Variants in KBTBD12 observed in about 807,000 individuals in gnomAD.
The protein encoded by KBTBD12 is kelch repeat and BTB domain containing 12, also known as kelch repeat and BTB domain-containing protein 12.
In KBTBD12, 53 loss-of-function variants were observed where a neutral mutation model predicts 58.7. That is an observed-to-expected ratio of 0.90 (90% CI 0.72 to 1.14). The LOEUF (loss-of-function observed/expected upper bound fraction) is 1.14. Among genes scored for constraint, KBTBD12 ranks in the 50% most tolerant of loss-of-function variants. KBTBD12 has a pLI of 0.00. For synonymous variants in KBTBD12, 236 were observed against 259.8 expected (o/e 0.91, Z 0.88); for missense variants, 704 against 751.3 (o/e 0.94, Z 0.74).
rs1228289497 is a variant in KBTBD12, at chr3:127,987,087, G to A, written c.*2809G>A. 1 of 152,326 alleles carries A rather than the reference G, an allele frequency of 6.6e-6. No homozygotes were observed. The highest frequency in any genetic ancestry group is 1.5e-5 in the Non-Finnish European group (1 of 68,120). 9.4% of individuals were successfully genotyped at this position (152,326 alleles called of 1,614,324 possible). On this transcript the variant is annotated 3_prime_UTR_variant, in exon 6 of 6. Coordinates refer to ENST00000405109, the MANE Select transcript of KBTBD12 (RefSeq NM_207335.4). ...GAGAAGGGGCATGACCTCTGCTGGA[G>A]CCAGGAGGGCAGTGACCAGGAGCTG...
At chr3:127,928,123 A>G in intron 3 of KBTBD12, 89 bp downstream of exon 3, 1 of 1,144,426 alleles carries the variant, frequency 8.7e-7, no homozygotes, top group Non-Finnish European at 1.3e-6. Flanking sequence ...GAATGCTAAA[A>G]GAGTGTGACT....
rs1217152651 is a variant in KBTBD12, at chr3:127,923,933, A to G, written c.872A>G (p.His291Arg). 6.2e-7 allele frequency: 1 copy of G among 1,613,918 alleles called. No individual in the cohort carries two copies. Among genetic ancestry groups the G allele is most frequent in the South Asian group, 1.1e-5 (1 of 91,072 alleles). ...GNNSSGIRSR[H>R]RSYGDASFCY... ...AATTCTTCAGGAATCAGATCAAGACATAGGAGCTATGGGGATGCCAGTTTT... is the reference window on the plus strand; with the variant it reads ...AATTCTTCAGGAATCAGATCAAGACGTAGGAGCTATGGGGATGCCAGTTTT... The change falls in exon 2 of 6, where the codon CAT (histidine) becomes CGT (arginine). Residue 291 changes from histidine to arginine, a missense_variant. His to Arg is a conservative substitution (Grantham distance 29). Coordinates refer to ENST00000405109, the MANE Select transcript of KBTBD12 (RefSeq NM_207335.4).
At chr3:127,933,574 G>C (rs1449227189) in intron 4 of KBTBD12, among the ~76,000 whole-genome samples, 1 of 152,068 alleles carries the variant, frequency 6.6e-6, no homozygotes, top group East Asian at 1.9e-4. Context: ...GCCATAGACA[G>C]CCCAAGCTCT....
At chr3:127,937,279 A>G (rs572555279) in intron 4 of KBTBD12, among the ~76,000 whole-genome samples, 2 of 152,326 alleles carry the variant, frequency 1.3e-5, no homozygotes, top group Admixed American at 1.3e-4. Flanking sequence ...TTAAAGAAAT[A>G]AAAGAATAAA....
At chr3:127,958,351 G>A (rs1055232094) in intron 4 of KBTBD12, among the ~76,000 whole-genome samples, 5 of 152,130 alleles carry the variant, frequency 3.3e-5, no homozygotes, top group South Asian at 2.1e-4. Flanking sequence ...CACCCACCAC[G>A]TCCAGGCTCT....
In KBTBD12 at chr3:127,960,169, CT is replaced by C. The variant is rs559852794; in HGVS notation, c.1493-3018del. Among the ~76,000 whole-genome samples the C allele has an allele frequency of 2.4e-3, 364 of 152,280 alleles. 1 individual carries two copies. Among genetic ancestry groups the C allele is most frequent in the African/African-American group, 8.0e-3 (334 of 41,566 alleles). On this transcript the variant is annotated intron_variant, in intron 4 of 5. Transcript: ENST00000405109. ...GGGCAGCGAGTACCACTCCCCTCTG[CT>C]TCAGCCAGCTCCCTGCCAGGCTTTG...
At chr3:127,944,738 T>G (rs1489060675) in intron 4 of KBTBD12, among the ~76,000 whole-genome samples, 1 of 152,184 alleles carries the variant, frequency 6.6e-6, no homozygotes, top group Non-Finnish European at 1.5e-5. Context: ...CATCCTTGCA[T>G]TGTAATAAAT....
chr3:127,945,675 T>C (rs1940065839), intron 4 of KBTBD12, among the ~76,000 whole-genome samples: 1 of 140,612 alleles, frequency 7.1e-6, no homozygotes, highest in Admixed American at 7.2e-5. Flanking sequence ...CTTCTTATTT[T>C]CACTTTTTTT....
chr3:127,928,071 A>C, intron 3 of KBTBD12, 37 bp downstream of exon 3: 1 of 1,562,034 alleles, frequency 6.4e-7, no homozygotes. Context: ...TGGCATGGCT[A>C]TACTGAGTCT....
intron 5 of KBTBD12, among the ~76,000 whole-genome samples, chr3:127,974,887 G>A (rs111298301): frequency 2.0e-5 from 3 of 152,212 alleles, no homozygotes; most frequent in African/African-American, 7.2e-5. Flanking sequence ...GCAGGAGAAT[G>A]GCATGAACCT....
chr3:127,924,675 A>G (rs1468748603), intron 2 of KBTBD12, among the ~76,000 whole-genome samples: 1 of 152,082 alleles, frequency 6.6e-6, no homozygotes, highest in Non-Finnish European at 1.5e-5. Context: ...TTCCTTAACC[A>G]TAAATTACTA....
chr3:127,960,346 A>T (rs535082134), intron 4 of KBTBD12, among the ~76,000 whole-genome samples: 4 of 152,288 alleles, frequency 2.6e-5, no homozygotes, highest in Admixed American at 2.6e-4. Flanking sequence ...CACTACGCAC[A>T]CACCAAAAAA....
Position 127,930,251 on chromosome 3 carries a change from C to A in KBTBD12, c.1460C>A (p.Thr487Lys), listed in dbSNP as rs1301893330. 6.2e-7 allele frequency: 1 copy of A among 1,611,638 alleles called. No individual in the cohort carries two copies. Residue 487 changes from threonine (T) to lysine (K), a missense_variant, in exon 4 of 6, where the codon ACA (threonine) becomes AAA (lysine). Coordinates refer to ENST00000405109, the MANE Select transcript of KBTBD12 (RefSeq NM_207335.4). ...PMKYSKYRFS[T>K]AVVNSEIYVL... is the part of the protein sequence containing the mutation. ...AAGTACTCTAAGTACCGATTCAGTA[C>A]AGCTGTAGTCAACAGTGAGATTTAT... is the stretch of plus-strand genomic sequence containing the variant.
intron 4 of KBTBD12, among the ~76,000 whole-genome samples, chr3:127,932,969 T>C (rs749263512): frequency 6.6e-6 from 1 of 152,110 alleles, no homozygotes; most frequent in South Asian, 2.1e-4. Context: ...CTAAAAACAT[T>C]GTAAAGCATA....
In KBTBD12 at chr3:127,927,812, A is replaced by T. The variant is rs1356395422; in HGVS notation, c.1119A>T (p.Glu373Asp). Residue 373 changes from glutamate to aspartate, a missense_variant, in exon 3 of 6, where the codon GAA becomes GAT. Glu to Asp is a conservative substitution (Grantham distance 45, BLOSUM62 2). Transcript: ENST00000405109. ...NQFWEKLCTA[E>D]FRELYALGSI... is the part of the protein sequence containing the mutation. ...TTTGGGAAAAGTTATGCACAGCTGA[A>T]TTTCGAGAACTCTATGCTCTGGGCA... The T allele has an allele frequency of 6.3e-7, 1 of 1,591,016 alleles. No homozygotes were observed. The highest frequency in any genetic ancestry group is 1.1e-5 in the South Asian group (1 of 87,530).
At chr3:127,928,890 T>C (rs1026761486) in intron 3 of KBTBD12, among the ~76,000 whole-genome samples, 8 of 152,228 alleles carry the variant, frequency 5.3e-5, no homozygotes, top group African/African-American at 1.7e-4. Flanking sequence ...ATATAGTATA[T>C]CATACCTGTT....
chr3:127,946,602 G>A (rs770112918), intron 4 of KBTBD12, among the ~76,000 whole-genome samples: 9 of 152,142 alleles, frequency 5.9e-5, no homozygotes, highest in Non-Finnish European at 1.0e-4. Flanking sequence ...CTGCCTAAGT[G>A]TGGGTTCTTT....
chr3:127,969,974 T>C (rs1940652796), intron 5 of KBTBD12, among the ~76,000 whole-genome samples: 1 of 151,808 alleles, frequency 6.6e-6, no homozygotes, highest in African/African-American at 2.4e-5. Context: ...AATCAAAACG[T>C]TTGTGCTTCA....
intron 5 of KBTBD12, among the ~76,000 whole-genome samples, chr3:127,967,764 AT>A (rs1189250698): frequency 6.6e-5 from 10 of 152,248 alleles, no homozygotes; most frequent in African/African-American, 2.4e-4. Flanking sequence ...AATATAGTGC[AT>A]ATAGTAGAAG....
Sources: gnomAD v4.1 joint callset for allele counts (sites outside exome capture counted in the v4.1 genomes callset) on GRCh38, gnomAD v4.1.1 for gene constraint, MANE v1.5 for transcripts, NCBI Gene and HGNC (gene_info 2026-07-23, HGNC 2026-07-21) for gene names.